The following RYR3 variants were observed in gnomAD, a reference collection of about 807,000 sequenced individuals.
RYR3 encodes the protein ryanodine receptor 3.
A neutral mutation model predicts 584.3 loss-of-function variants in RYR3; 207 were observed. The observed-to-expected ratio is 0.35, with a 90% CI of 0.32 to 0.40. RYR3 has a LOEUF of 0.40. Ranked by LOEUF, RYR3 falls within the 10% of genes least tolerant of loss-of-function variation. RYR3 has a pLI of 1.00. For missense variants in RYR3, 5,616 were observed against 6,089.2 expected, an observed-to-expected ratio of 0.92 and a Z score of 2.59; for synonymous variants, 2,416 against 2,248.5, an observed-to-expected ratio of 1.07 and a Z score of -2.11.
intron 70 of RYR3, 72 bp downstream of exon 70, chr15:33,807,641 C>G: frequency 1.4e-6 from 2 of 1,408,436 alleles, no homozygotes; most frequent in Non-Finnish European, 2.0e-6. Flanking sequence ...CCCCTCTGCA[C>G]TGTGATCACC....
intron 18 of RYR3, among the ~76,000 whole-genome samples, chr15:33,604,956 C>G (rs543658961): frequency 1.3e-5 from 2 of 152,288 alleles, no homozygotes; most frequent in Admixed American, 1.3e-4. Context: ...GTTTCACACT[C>G]CTGCTGACTG....
chr15:33,515,508 C>T (rs1760848988), intron 3 of RYR3, among the ~76,000 whole-genome samples: 1 of 152,228 alleles, frequency 6.6e-6, no homozygotes, highest in African/African-American at 2.4e-5. Flanking sequence ...ATGCCAATTC[C>T]TCTTTTCATA....
At chr15:33,751,545 G>C (rs2071309186) in intron 57 of RYR3, among the ~76,000 whole-genome samples, 1 of 150,424 alleles carries the variant, frequency 6.6e-6, no homozygotes, top group Non-Finnish European at 1.5e-5. Context: ...TTTGAAAAGT[G>C]TCTGTTCAAA....
At chr15:33,411,547 T>G (rs2141488155) in intron 1 of RYR3, among the ~76,000 whole-genome samples, 1 of 152,342 alleles carries the variant, frequency 6.6e-6, no homozygotes, top group Non-Finnish European at 1.5e-5. Flanking sequence ...TCCTTGGGCA[T>G]GTGCTATCTT....
intron 1 of RYR3, among the ~76,000 whole-genome samples, chr15:33,372,806 C>T (rs1329063216): frequency 1.3e-5 from 2 of 152,204 alleles, no homozygotes; most frequent in African/African-American, 4.8e-5. Flanking sequence ...GCGCCCTGCC[C>T]ATAAAGCTTT....
intron 70 of RYR3, among the ~76,000 whole-genome samples, chr15:33,808,167 AG>A (rs2076304817): frequency 6.6e-6 from 1 of 152,224 alleles, no homozygotes; most frequent in Non-Finnish European, 1.5e-5. Context: ...TGGAGGAACT[AG>A]GGCACACGCA....
chr15:33,640,701 A>G (rs2061759255), intron 27 of RYR3, among the ~76,000 whole-genome samples: 1 of 152,212 alleles, frequency 6.6e-6, no homozygotes, highest in African/African-American at 2.4e-5. Context: ...GGGGTCCTGT[A>G]CAAAATGTAA....
intron 1 of RYR3, among the ~76,000 whole-genome samples, chr15:33,316,745 T>C (rs1477266454): frequency 6.6e-6 from 1 of 152,194 alleles, no homozygotes; most frequent in East Asian, 1.9e-4. Context: ...ATAAGTTGTG[T>C]TTCATAGGAT....
At chr15:33,779,655 G>A (rs2074255799) in intron 64 of RYR3, among the ~76,000 whole-genome samples, 1 of 152,154 alleles carries the variant, frequency 6.6e-6, no homozygotes, top group Non-Finnish European at 1.5e-5. Context: ...TCTCACACAT[G>A]CTGGGAGAGA....
chr15:33,644,223 G>A (rs1270914039), intron 27 of RYR3, 88 bp from the exon 28 acceptor site: 4 of 962,158 alleles, frequency 4.2e-6, no homozygotes, highest in South Asian at 1.5e-5. Context: ...GGGAGTCAAA[G>A]CCCTTAAGGA....
At chr15:33,622,657 G>T (rs1236951502) in intron 19 of RYR3, among the ~76,000 whole-genome samples, 1 of 152,202 alleles carries the variant, frequency 6.6e-6, no homozygotes, top group Non-Finnish European at 1.5e-5. Flanking sequence ...ATGGAGAAGG[G>T]CAGGGGAATG....
At chr15:33,785,105 C>T (rs1157482512) in intron 65 of RYR3, among the ~76,000 whole-genome samples, 2 of 152,170 alleles carry the variant, frequency 1.3e-5, no homozygotes, top group East Asian at 1.9e-4. Context: ...GAAATCAGTC[C>T]ACGTGCGATG....
chr15:33,648,314 C>A (rs561934408), intron 30 of RYR3, among the ~76,000 whole-genome samples: 23 of 152,300 alleles, frequency 1.5e-4, no homozygotes, highest in Admixed American at 1.2e-3. Context: ...CTAGCCGACC[C>A]TTTTTTCTTC....
chr15:33,820,829 A>T lies in RYR3; in HGVS notation c.10815+17A>T, dbSNP rs2077064995. On this transcript the variant is annotated intron_variant, in intron 78 of 103. Coordinates refer to ENST00000634891, the MANE Select transcript of RYR3 (RefSeq NM_001036.6). ...ACATTCGAAGTAAGTTCTCATGAAG[A>T]ATAAAAATAGAGCCACCCTCCAAGG... 2.7e-6 allele frequency: 4 copies of T among 1,494,988 alleles called. No individual in the cohort carries two copies. The highest frequency in any genetic ancestry group is 3.6e-6 in the Non-Finnish European group (4 of 1,124,320). The allele number at this position is 1,494,988 out of a possible 1,614,324, so 92.6% of individuals were successfully genotyped here.
At chr15:33,853,002 A>G (rs749240329) in intron 94 of RYR3, 43 bp from the exon 95 acceptor site, 1 of 1,541,346 alleles carries the variant, frequency 6.5e-7, no homozygotes, top group Non-Finnish European at 8.9e-7. Context: ...GTTTTCCTTG[A>G]TGTTAAGAAT....
At chr15:33,659,562 G>A (rs1394752414) in intron 32 of RYR3, among the ~76,000 whole-genome samples, 158 bp from the exon 33 acceptor site, 2 of 152,244 alleles carry the variant, frequency 1.3e-5, no homozygotes, top group East Asian at 3.8e-4. Flanking sequence ...AATCTCCGCT[G>A]ATAGATAACT....
chr15:33,699,729 G>A lies in RYR3; in HGVS notation c.6275G>A (p.Ser2092Asn). The A allele has an allele frequency of 1.9e-6, 3 of 1,613,806 alleles. No individual in the cohort carries two copies. Among genetic ancestry groups the A allele is most frequent in the Non-Finnish European group, 2.5e-6 (3 of 1,179,796 alleles). ...ATTGCATTTCCAAAGATGGTTGCTA[G>A]CTGCTGCCGTTTCCTTTGCTATTTC... ...SQIAFPKMVA[S>N]CCRFLCYFCR... Residue 2092 changes from serine (S) to asparagine (N), a missense_variant, in exon 41 of 104, where the codon AGC becomes AAC. Coordinates refer to ENST00000634891, the MANE Select transcript of RYR3 (RefSeq NM_001036.6).
Position 33,838,560 on chromosome 15 carries a change from G to A in RYR3, c.12580G>A (p.Gly4194Arg), listed in dbSNP as rs1338057725. ...CTCCTTTTTCTGGATGCTGTTCGTGGGGCTATTCCAGTTGCTCTTCACCAT... is the reference window on the plus strand; with the variant it reads ...CTCCTTTTTCTGGATGCTGTTCGTGAGGCTATTCCAGTTGCTCTTCACCAT... Reference protein sequence around the residue: ...LFSFFWMLFVGLFQLLFTILG... With the variant: ...LFSFFWMLFVRLFQLLFTILG... Residue 4194 changes from glycine (G) to arginine (R), a missense_variant, in exon 89 of 104, where the codon GGG (glycine) becomes AGG (arginine). Physicochemically the swap from Gly to Arg is moderately radical, Grantham distance 125. This residue lies in a region of RYR3 where 918 missense variants were observed against 887.4 expected (regional missense o/e 1.03). Transcript: ENST00000634891. 8.1e-6 allele frequency: 13 copies of A among 1,613,868 alleles called. No homozygotes were observed. Among genetic ancestry groups the A allele is most frequent in the Non-Finnish European group, 1.1e-5 (13 of 1,179,862 alleles).
chr15:33,452,799 A>G (rs535384829), intron 1 of RYR3, among the ~76,000 whole-genome samples: 3 of 152,324 alleles, frequency 2.0e-5, no homozygotes, highest in Non-Finnish European at 4.4e-5. Context: ...AGTTTTCCCT[A>G]CCCTGCTATA....
Sources: allele counts gnomAD v4.1 joint callset (sites outside exome capture counted in the v4.1 genomes callset), GRCh38; gene constraint gnomAD v4.1.1; regional missense constraint gnomAD v4.1.1; transcripts MANE v1.5; gene names NCBI Gene and HGNC (gene_info 2026-07-23, HGNC 2026-07-21).